The following FMOD variants were observed in gnomAD, a reference collection of about 807,000 sequenced individuals.
FMOD encodes KSPG fibromodulin.
FMOD carries 15 observed loss-of-function variants against 27.0 expected under a neutral mutation model. The ratio of observed to expected loss-of-function variants is 0.55; its 90% CI spans 0.37 to 0.85. The LOEUF is 0.85. Ranked by LOEUF, FMOD falls within the 40% of genes least tolerant of loss-of-function variation. The pLI, the probability that FMOD is intolerant of heterozygous loss-of-function variation, is 0.00. For synonymous variants in FMOD, 210 were observed against 214.0 expected (o/e 0.98, Z 0.16); for missense variants, 460 against 483.2 (o/e 0.95, Z 0.45).
In FMOD at chr1:203,343,046, G is replaced by A. The variant is rs147822966; in HGVS notation, c.980-552C>T. ...TGTGTGCCAGGGCTTTGAGTGGGTT[G>A]CACGTCTCCATTCTAAATACTGCCA... On this transcript the variant is annotated intron_variant, in intron 2 of 2. Transcript: ENST00000354955. 2.9e-3 allele frequency among the ~76,000 whole-genome samples: 439 copies of A among 152,262 alleles called. 17 individuals carry two copies. The South Asian group carries it at 0.071, about 25-fold the overall frequency.
rs181038989 is a variant in FMOD, at chr1:203,343,915, T to C, written c.980-1421A>G. Among the ~76,000 whole-genome samples the C allele has an allele frequency of 3.8e-3, 579 of 152,348 alleles. 2 individuals are homozygous for C. Among genetic ancestry groups the C allele is most frequent in the Non-Finnish European group, 7.2e-3 (487 of 68,026 alleles). ...TGACCAAGATAAGATGAGGTGAGGT[T>C]GCAGCAAATTAACTTGTATTGCAGG... is the stretch of plus-strand genomic sequence containing the variant. On this transcript the variant is annotated intron_variant, in intron 2 of 2. Coordinates refer to ENST00000354955, the MANE Select transcript of FMOD (RefSeq NM_002023.5).
chr1:203,350,580 C>A (rs1458782427), intron 1 of FMOD, among the ~76,000 whole-genome samples: 1 of 128,948 alleles, frequency 7.8e-6, no homozygotes, highest in Non-Finnish European at 1.6e-5. Context: ...ACTCCAAACA[C>A]ACACACACAC....
Position 203,347,317 on chromosome 1 carries a change from G to C in FMOD, c.954C>G (p.Leu318=). The change falls in exon 2 of 3, where the codon CTC becomes CTG. Residue 318 remains leucine, a synonymous_variant. Coordinates refer to ENST00000354955, the MANE Select transcript of FMOD (RefSeq NM_002023.5). ...IPPVNTNLEN[L]YLQGNRINEF... ...CATTGATCCTATTGCCTTGGAGGTA[G>C]AGGTTCTCCAGGTTGGTGTTGACTG... 1 of 1,613,346 alleles carries C rather than the reference G, an allele frequency of 6.2e-7. No homozygotes were observed. The highest frequency in any genetic ancestry group is 8.5e-7 in the Non-Finnish European group (1 of 1,179,580).
At chr1:203,345,360 T>G (rs1283837524) in intron 2 of FMOD, among the ~76,000 whole-genome samples, 1 of 152,236 alleles carries the variant, frequency 6.6e-6, no homozygotes, top group African/African-American at 2.4e-5. Flanking sequence ...AAGGTTGTGA[T>G]GAAGCCTTTT....
chr1:203,345,986 AAG>A (rs1252225757), intron 2 of FMOD, among the ~76,000 whole-genome samples: 1 of 152,132 alleles, frequency 6.6e-6, no homozygotes, highest in Non-Finnish European at 1.5e-5. Context: ...TTTAATAAAA[AAG>A]AGTTTAGGCT....
Position 203,348,547 on chromosome 1 carries a change from C to T in FMOD, c.-7-270G>A, listed in dbSNP as rs535700282. 1.7e-4 allele frequency among the ~76,000 whole-genome samples: 26 copies of T among 152,130 alleles called. No individual in the cohort carries two copies. In the South Asian group the frequency reaches 4.6e-3, roughly 27 times the overall value. On this transcript the variant is annotated intron_variant, in intron 1 of 2. Coordinates refer to ENST00000354955, the MANE Select transcript of FMOD (RefSeq NM_002023.5). ...CAGACAGAATGTCTTTGAATGGGAACAGCTGCATTTTTTTTTTGGAGGGGC... is the reference window on the plus strand; with the variant it reads ...CAGACAGAATGTCTTTGAATGGGAATAGCTGCATTTTTTTTTTGGAGGGGC...
rs537621102 is a variant in FMOD, at chr1:203,347,166, G to A, written c.979+126C>T. 20 of 1,123,674 alleles carry A rather than the reference G, an allele frequency of 1.8e-5. No individual in the cohort carries two copies. The Admixed American group carries it at 4.3e-4, about 24-fold the overall frequency. 69.6% of individuals were successfully genotyped at this position (1,123,674 alleles called of 1,614,324 possible). On this transcript the variant is annotated intron_variant, in intron 2 of 2. Coordinates refer to ENST00000354955, the MANE Select transcript of FMOD (RefSeq NM_002023.5). ...GTACAGGGGTATGGCTTGGTTGTCA[G>A]GTTGCTTCATTTGTGCTGTCTGGTT...
intron 2 of FMOD, among the ~76,000 whole-genome samples, chr1:203,343,847 T>C (rs962324635): frequency 2.0e-5 from 3 of 152,208 alleles, no homozygotes; most frequent in African/African-American, 4.8e-5. Flanking sequence ...AAAAAGTGTT[T>C]TTAAATTAGC....
chr1:203,346,809 T>C (rs1052944311), intron 2 of FMOD, among the ~76,000 whole-genome samples: 5 of 152,174 alleles, frequency 3.3e-5, no homozygotes, highest in African/African-American at 9.7e-5. Flanking sequence ...CTTTAGAAGC[T>C]AAACTTAAAT....
At chr1:203,347,226 A>G in intron 2 of FMOD, 66 bp downstream of exon 2, 2 of 1,521,218 alleles carry the variant, frequency 1.3e-6, no homozygotes, top group African/African-American at 1.4e-5. Context: ...TGCCACTAGC[A>G]CTCAGAATAG....
At chr1:203,342,972 G>T (rs376473569) in intron 2 of FMOD, among the ~76,000 whole-genome samples, 4 of 152,140 alleles carry the variant, frequency 2.6e-5, no homozygotes, top group African/African-American at 4.8e-5. Flanking sequence ...GATAGAAAAA[G>T]TGGCAGGAAA....
chr1:203,348,832 T>C (rs920282101), intron 1 of FMOD, among the ~76,000 whole-genome samples: 1 of 152,230 alleles, frequency 6.6e-6, no homozygotes, highest in Non-Finnish European at 1.5e-5. Flanking sequence ...TCTTTTGGTC[T>C]CTTGGGCAGG....
rs140508278 is a variant in FMOD at position 203,343,560 on chromosome 1, C to T, written c.980-1066G>A. On this transcript the variant is annotated intron_variant, in intron 2 of 2. Transcript: ENST00000354955. ...GTTTGAATGAAGTTACCCATTGGGT[C>T]TTGAGGGTAGGATTGTCCATGGACA... is the stretch of plus-strand genomic sequence containing the variant. Among the ~76,000 whole-genome samples, 24 of 152,328 alleles carry T rather than the reference C, an allele frequency of 1.6e-4. No individual in the cohort carries two copies. The East Asian group carries it at 2.7e-3, about 17-fold the overall frequency.
chr1:203,347,526 G>T lies in FMOD; in HGVS notation c.745C>A (p.Leu249Met). 6.2e-7 allele frequency: 1 copy of T among 1,614,228 alleles called. No homozygotes were observed. The highest frequency in any genetic ancestry group is 8.5e-7 in the Non-Finnish European group (1 of 1,180,042). The change falls in exon 2 of 3, where the codon CTG (leucine) becomes ATG (methionine). Residue 249 changes from leucine to methionine, a missense_variant. Transcript: ENST00000354955. ...TAGACATTGTTGTGCTCCATGTACA[G>T]CTGCTCAAGAGCTGAGGGCAGCCCA... ...PDGLPSALEQ[L>M]YMEHNNVYTV... is the part of the protein sequence containing the mutation.
At chr1:203,344,884 G>T (rs1658859550) in intron 2 of FMOD, among the ~76,000 whole-genome samples, 1 of 152,114 alleles carries the variant, frequency 6.6e-6, no homozygotes, top group Admixed American at 6.6e-5. Context: ...TTTAGGTCAG[G>T]ATTCTAATCT....
rs772886348 is a variant in FMOD at position 203,347,615 on chromosome 1, A to G, written c.656T>C (p.Met219Thr). Residue 219 changes from methionine (M) to threonine (T), a missense_variant, in exon 2 of 3, where the codon ATG (methionine) becomes ACG (threonine). Met to Thr is a moderately conservative substitution (Grantham distance 81). Transcript: ENST00000354955. ...CAAGATCAGTGACCGGAGGCCCCTC[A>G]TGGAACTGCCCACTTCCTGGATCTC... ...HNEIQEVGSS[M>T]RGLRSLILLD... is the part of the protein sequence containing the mutation. 6.2e-6 allele frequency: 10 copies of G among 1,614,080 alleles called. No homozygotes were observed. The highest frequency in any genetic ancestry group is 2.7e-5 in the African/African-American group (2 of 74,928).
chr1:203,350,011 CAG>C (rs1658963843), intron 1 of FMOD, among the ~76,000 whole-genome samples: 1 of 152,250 alleles, frequency 6.6e-6, no homozygotes, highest in Non-Finnish European at 1.5e-5. Flanking sequence ...CCACTGCCAA[CAG>C]AGCATTTTTC....
chr1:203,349,503 T>C (rs1315855149), intron 1 of FMOD, among the ~76,000 whole-genome samples: 1 of 152,180 alleles, frequency 6.6e-6, no homozygotes, highest in Non-Finnish European at 1.5e-5. Context: ...AGGGGTGGCC[T>C]GGGTACCCTA....
chr1:203,347,929 G>T lies in FMOD; in HGVS notation c.342C>A (p.Asn114Lys), dbSNP rs1558193490. 9.3e-6 allele frequency: 15 copies of T among 1,611,942 alleles called. No individual in the cohort carries two copies. The highest frequency in any genetic ancestry group is 1.3e-5 in the Non-Finnish European group (15 of 1,178,266). The part of the protein sequence containing the change: ...PSRMKYVYFQ[N>K]NQITSIQEGV... The stretch of plus-strand genomic sequence containing the variant: ...CTTCCTGGATGGAGGTGATCTGGTT[G>T]TTCTGGAAGTACACATACTTCATGC... Residue 114 changes from asparagine to lysine, a missense_variant, in exon 2 of 3, where the codon AAC (asparagine) becomes AAA (lysine). Asn to Lys is a moderately conservative substitution (Grantham distance 94, BLOSUM62 0). Coordinates refer to ENST00000354955, the MANE Select transcript of FMOD (RefSeq NM_002023.5).
Sources: gnomAD v4.1 joint callset for allele counts (sites outside exome capture counted in the v4.1 genomes callset) on GRCh38, gnomAD v4.1.1 for gene constraint, MANE v1.5 for transcripts, NCBI Gene and HGNC (gene_info 2026-07-23, HGNC 2026-07-21) for gene names.